The following NAV2 variants were observed in gnomAD, a reference collection of about 807,000 sequenced individuals.
NAV2 encodes neuron navigator 2.
NAV2 carries 54 observed loss-of-function variants against 223.2 expected under a neutral mutation model. The ratio of observed to expected loss-of-function variants is 0.24; its 90% CI spans 0.19 to 0.30. NAV2 has a LOEUF of 0.30. NAV2 is among the 10% of genes least tolerant of loss of function. The pLI is 1.00. For synonymous variants in NAV2, 1,279 were observed against 1,239.3 expected (o/e 1.03, Z -0.67); for missense variants, 2,806 against 3,147.5 (o/e 0.89, Z 2.60).
At chr11:19,945,623 C>T (rs1030786627) in intron 8 of NAV2, among the ~76,000 whole-genome samples, 6 of 152,162 alleles carry the variant, frequency 3.9e-5, no homozygotes, top group African/African-American at 1.2e-4. Flanking sequence ...GGATTATAGG[C>T]GTGAGCCACT....
chr11:19,948,757 G>A lies in NAV2; in HGVS notation c.2322G>A (p.Leu774=), dbSNP rs2047144465. ...TEMSGRSILS[L]TGRPTPLSWR... is the part of the protein sequence containing the mutation. ...TGAGTGGCCGTAGCATACTCAGCTT[G>A]ACAGGGAGGCCCACACCTCTGTCCT... is the stretch of plus-strand genomic sequence containing the variant. Residue 774 remains leucine (L), a synonymous_variant, in exon 10 of 38, where the codon TTG becomes TTA. Transcript: ENST00000349880. 3 of 1,612,168 alleles carry A rather than the reference G, an allele frequency of 1.9e-6. No homozygotes were observed. In the African/African-American group the frequency reaches 4.0e-5, roughly 22 times the overall value.
At chr11:19,832,440 G>A (rs1487357158) in intron 1 of NAV2, 44 bp from the exon 2 acceptor site, 10 of 1,496,046 alleles carry the variant, frequency 6.7e-6, no homozygotes, top group Non-Finnish European at 5.6e-6. Flanking sequence ...TCTGAGAGGG[G>A]ATCCGACTGG....
chr11:19,972,977 C>A (rs1168498375), intron 10 of NAV2, among the ~76,000 whole-genome samples: 2 of 152,218 alleles, frequency 1.3e-5, no homozygotes, highest in Non-Finnish European at 2.9e-5. Context: ...TTCCAGAAAT[C>A]TAGTTGTTCG....
chr11:19,759,144 A>G (rs970455190), intron 1 of NAV2, among the ~76,000 whole-genome samples: 7 of 138,640 alleles, frequency 5.0e-5, no homozygotes, highest in African/African-American at 2.0e-4. Flanking sequence ...TGTCAGTGGC[A>G]CAATCTCAGC....
At position 19,934,016 on chromosome 11, in the gene NAV2, G is replaced by C. The variant is rs1199956353; in HGVS notation, c.1772G>C (p.Ser591Thr). The part of the protein sequence containing the change: ...APSKEGERSR[S>T]GKLSSGLPQQ... ...TCCAAGGAAGGGGAGCGGAGCCGGAGTGGGAAGCTGAGCTCAGGACTCCCC... is the reference window on the plus strand; with the variant it reads ...TCCAAGGAAGGGGAGCGGAGCCGGACTGGGAAGCTGAGCTCAGGACTCCCC... The change falls in exon 7 of 38, where the codon AGT becomes ACT. Residue 591 changes from serine to threonine, a missense_variant. Coordinates refer to ENST00000349880, the MANE Select transcript of NAV2 (RefSeq NM_145117.5). The C allele has an allele frequency of 1.3e-6, 2 of 1,594,938 alleles. No homozygotes were observed. Among genetic ancestry groups the C allele is most frequent in the Admixed American group, 3.5e-5 (2 of 56,448 alleles).
chr11:19,360,843 G>T (rs764996688), intron 1 of NAV2, among the ~76,000 whole-genome samples: 1 of 152,260 alleles, frequency 6.6e-6, no homozygotes, highest in Middle Eastern at 3.4e-3. Flanking sequence ...CCCTGTCCTC[G>T]CAAAGCTCAG....
chr11:19,729,110 A>G (rs1405357677), intron 1 of NAV2, among the ~76,000 whole-genome samples: 1 of 152,090 alleles, frequency 6.6e-6, no homozygotes, highest in African/African-American at 2.4e-5. Flanking sequence ...GAAAAATATG[A>G]CCAAGTGAGT....
chr11:19,620,931 T>C (rs1314924415), intron 1 of NAV2, among the ~76,000 whole-genome samples: 1 of 152,216 alleles, frequency 6.6e-6, no homozygotes, highest in Admixed American at 6.5e-5. Flanking sequence ...TTGAGATACA[T>C]CCCATTAATA....
intron 1 of NAV2, among the ~76,000 whole-genome samples, chr11:19,499,735 C>A (rs1314819444): frequency 1.1e-4 from 16 of 152,176 alleles, no homozygotes. Flanking sequence ...ATCCTCAGTG[C>A]CTGGCCCAGG....
intron 3 of NAV2, among the ~76,000 whole-genome samples, chr11:19,861,750 T>C (rs1241269945): frequency 6.6e-6 from 1 of 152,212 alleles, no homozygotes; most frequent in African/African-American, 2.4e-5. Flanking sequence ...ATGATTCCTT[T>C]TGGAAGTGCT....
chr11:19,834,185 C>T (rs1489376845), intron 2 of NAV2, among the ~76,000 whole-genome samples: 1 of 152,210 alleles, frequency 6.6e-6, no homozygotes, highest in African/African-American at 2.4e-5. Flanking sequence ...TCCTCTTCCT[C>T]TTACTCTTCA....
intron 6 of NAV2, among the ~76,000 whole-genome samples, chr11:19,896,870 TC>T (rs1302218079): frequency 6.6e-6 from 1 of 152,176 alleles, no homozygotes; most frequent in African/African-American, 2.4e-5. Context: ...GACCCAGCTA[TC>T]CCCATTACTG....
At chr11:19,739,223 C>G (rs2052590270) in intron 1 of NAV2, among the ~76,000 whole-genome samples, 1 of 152,148 alleles carries the variant, frequency 6.6e-6, no homozygotes, top group Non-Finnish European at 1.5e-5. Context: ...TTACACACTT[C>G]CCTTGTAATC....
intron 6 of NAV2, among the ~76,000 whole-genome samples, chr11:19,918,511 T>G (rs1382424953): frequency 3.9e-5 from 6 of 152,222 alleles, no homozygotes. Flanking sequence ...ATGAAAAAAG[T>G]ATATGCCTGC....
At position 19,515,670 on chromosome 11, in the gene NAV2, T is replaced by A. The variant is rs564794028; in HGVS notation, c.75+164643T>A. Among the ~76,000 whole-genome samples, 5 of 152,284 alleles carry A rather than the reference T, an allele frequency of 3.3e-5. No homozygotes were observed. The East Asian group carries it at 9.6e-4, about 29-fold the overall frequency. ...TACAAAAGCCTTGAAAATTAAGAGA[T>A]AAAATATATATTATGGATACTAGAA... On this transcript the variant is annotated intron_variant, in intron 1 of 37. Coordinates refer to the NAV2 transcript ENST00000360655.
intron 11 of NAV2, among the ~76,000 whole-genome samples, chr11:20,010,838 A>G (rs1470256773): frequency 1.3e-5 from 2 of 152,326 alleles, no homozygotes; most frequent in Non-Finnish European, 2.9e-5. Flanking sequence ...GGAAACTTTA[A>G]GTACTGTAAC....
chr11:19,832,524 G>A lies in NAV2; in HGVS notation c.308G>A (p.Gly103Asp). The A allele has an allele frequency of 6.2e-7, 1 of 1,614,100 alleles. No homozygotes were observed. Among genetic ancestry groups the A allele is most frequent in the South Asian group, 1.1e-5 (1 of 91,066 alleles). The change falls in exon 2 of 38, where the codon GGC becomes GAC. Residue 103 changes from glycine to aspartate, a missense_variant. Gly to Asp is a moderately conservative substitution (Grantham distance 94, BLOSUM62 -1). Transcript: ENST00000349880. ...GCCAATCATTACCTAGCCAAATCCG[G>A]CCACAAGCGTCTCATCAGGGATCTC... ...DWANHYLAKS[G>D]HKRLIRDLQQ...
intron 1 of NAV2, among the ~76,000 whole-genome samples, chr11:19,557,418 G>A (rs1414442183): frequency 6.6e-6 from 1 of 152,222 alleles, no homozygotes; most frequent in East Asian, 1.9e-4. Context: ...ATTTATTTTA[G>A]CCACTGTGAA....
At chr11:19,384,871 C>T (rs1420774016) in intron 1 of NAV2, 1 of 152,172 alleles carries the variant, frequency 6.6e-6, no homozygotes, top group Non-Finnish European at 1.5e-5. Flanking sequence ...TTGTCTCCAA[C>T]TTGTAAAAAA....
Sources: gnomAD v4.1 joint callset for allele counts (sites outside exome capture counted in the v4.1 genomes callset) on GRCh38, gnomAD v4.1.1 for gene constraint, MANE v1.5 for transcripts, NCBI Gene and HGNC (gene_info 2026-07-23, HGNC 2026-07-21) for gene names.